Variants in C10orf67 observed in about 807,000 individuals in gnomAD.
The protein encoded by C10orf67 is chromosome 10 open reading frame 67, also known as uncharacterized protein C10orf67, mitochondrial.
C10orf67 carries 60 observed loss-of-function variants against 35.6 expected under a neutral mutation model. The observed-to-expected ratio is 1.68, with a 90% confidence interval of 1.37 to 2.09. C10orf67 has a LOEUF of 2.09. Among genes scored for constraint, C10orf67 ranks in the 30% most tolerant of loss-of-function variants. The probability of loss-of-function intolerance (pLI) is 0.00; values close to 1 mark genes in which losing one functional copy is unlikely to be tolerated. For missense variants in C10orf67, 474 were observed against 330.2 expected (o/e 1.44, Z -3.38); for synonymous variants, 167 against 115.8 (o/e 1.44, Z -2.84).
chr10:23,304,733 C>T (rs1434527540), intron 4 of C10orf67, among the ~76,000 whole-genome samples: 2 of 152,144 alleles, frequency 1.3e-5, no homozygotes, highest in Non-Finnish European at 2.9e-5. Flanking sequence ...CTCAGTAACC[C>T]AGCAGGAACA....
At chr10:23,250,846 C>A (rs965031021) in intron 10 of C10orf67, among the ~76,000 whole-genome samples, 155 bp from the exon 11 acceptor site, 2 of 151,948 alleles carry the variant, frequency 1.3e-5, no homozygotes. Context: ...GCCTGTAATC[C>A]CAACATTTTG....
At chr10:23,301,316 T>C (rs1387734433) in intron 5 of C10orf67, among the ~76,000 whole-genome samples, 1 of 151,872 alleles carries the variant, frequency 6.6e-6, no homozygotes, top group Non-Finnish European at 1.5e-5. Flanking sequence ...CAGACCAATA[T>C]CCCCAACCCA....
chr10:23,315,202 A>G (rs986480494), intron 4 of C10orf67, among the ~76,000 whole-genome samples: 1 of 152,364 alleles, frequency 6.6e-6, no homozygotes, highest in African/African-American at 2.4e-5. Context: ...TCTTAAGTCA[A>G]CTAACCACAA....
chr10:23,292,977 G>C (rs1843766885), intron 5 of C10orf67, among the ~76,000 whole-genome samples: 1 of 151,496 alleles, frequency 6.6e-6, no homozygotes, highest in African/African-American at 2.4e-5. Context: ...ATCACAGAAT[G>C]CATTTATAGA....
At chr10:23,262,472 A>G (rs1385174955) in intron 10 of C10orf67, among the ~76,000 whole-genome samples, 1 of 152,146 alleles carries the variant, frequency 6.6e-6, no homozygotes, top group Non-Finnish European at 1.5e-5. Flanking sequence ...ATCTGTCCCA[A>G]TGGCTGACAG....
intron 5 of C10orf67, among the ~76,000 whole-genome samples, chr10:23,293,795 T>C (rs755929138): frequency 3.9e-5 from 6 of 152,222 alleles, no homozygotes; most frequent in Admixed American, 1.3e-4. Context: ...GAATCCCAAA[T>C]TGAATCTCGA....
intron 8 of C10orf67, among the ~76,000 whole-genome samples, chr10:23,268,042 C>A (rs1394747484): frequency 2.0e-5 from 3 of 152,110 alleles, no homozygotes; most frequent in Non-Finnish European, 2.9e-5. Flanking sequence ...AATCCCAACA[C>A]TTTGGGAGGC....
intron 13 of C10orf67, among the ~76,000 whole-genome samples, chr10:23,229,658 T>C (rs1387003219): frequency 6.6e-6 from 1 of 152,154 alleles, no homozygotes; most frequent in African/African-American, 2.4e-5. Context: ...TAAAATTGTA[T>C]GCATCTAATA....
intron 5 of C10orf67, among the ~76,000 whole-genome samples, chr10:23,298,659 T>C (rs1451105708): frequency 6.6e-6 from 1 of 152,206 alleles, no homozygotes; most frequent in East Asian, 1.9e-4. Context: ...TAAGCCAATA[T>C]AGCCTGGATA....
In C10orf67 at chr10:23,291,224, A is replaced by C. The variant is rs1843712157; in HGVS notation, c.758T>G (p.Leu253Trp). 1 of 716,986 alleles carries C rather than the reference A, an allele frequency of 1.4e-6. No homozygotes were observed. The highest frequency in any genetic ancestry group is 2.6e-6 in the Non-Finnish European group (1 of 384,974). 44.4% of individuals were successfully genotyped at this position (716,986 alleles called of 1,614,324 possible). A position where few individuals can be genotyped will look rare whatever the true frequency, so the allele number is the denominator to read the frequency against. ...CCTCTCATTTTCCACTTTGTACTCC[A>C]AATTTTCCTTTTCTAGGTTTGATTT... ...SPKSNLEKEN[L>W]EYKVENERLL... Residue 253 changes from leucine (L) to tryptophan (W), a missense_variant, in exon 6 of 16, where the codon TTG (leucine) becomes TGG (tryptophan). Physicochemically the swap from Leu to Trp is moderately conservative, Grantham distance 61. Coordinates refer to ENST00000636213, the MANE Select transcript of C10orf67 (RefSeq NM_001371909.1).
intron 4 of C10orf67, among the ~76,000 whole-genome samples, chr10:23,311,429 G>A (rs1844489301): frequency 1.3e-5 from 2 of 152,152 alleles, no homozygotes; most frequent in Non-Finnish European, 2.9e-5. Context: ...TTCCAGCTTG[G>A]GGCCGGGCAC....
chr10:23,258,542 C>T (rs1335063384), intron 10 of C10orf67: 2 of 169,782 alleles, frequency 1.2e-5, no homozygotes, highest in Admixed American at 5.7e-5. Context: ...CAGACTTTGA[C>T]GACTAGCACC....
chr10:23,311,797 G>A (rs1024317739), intron 4 of C10orf67, among the ~76,000 whole-genome samples: 1 of 151,710 alleles, frequency 6.6e-6, no homozygotes, highest in Non-Finnish European at 1.5e-5. Flanking sequence ...AGTGTTTTTG[G>A]AATTTCAATT....
intron 15 of C10orf67, among the ~76,000 whole-genome samples, chr10:23,221,290 C>T (rs1314616137): frequency 6.6e-6 from 1 of 152,116 alleles, no homozygotes; most frequent in African/African-American, 2.4e-5. Context: ...CTCATGAGAA[C>T]TTACTAGCAT....
chr10:23,204,261 C>A lies in C10orf67; in HGVS notation c.1571-6G>T. On this transcript the variant is annotated splice_region_variant and splice_polypyrimidine_tract_variant and intron_variant, in intron 15 of 15. Coordinates refer to ENST00000636213, the MANE Select transcript of C10orf67 (RefSeq NM_001371909.1). The stretch of plus-strand genomic sequence containing the variant: ...TGGGGATTCCGACAACTTCCCTAAA[C>A]GTGAAGAAAGGTGGACAGACATAAA... The A allele has an allele frequency of 3.1e-6, 2 of 636,868 alleles. No individual in the cohort carries two copies. The highest frequency in any genetic ancestry group is 3.6e-5 in the South Asian group (2 of 55,304). 39.5% of individuals were successfully genotyped at this position (636,868 alleles called of 1,614,324 possible).
intron 2 of C10orf67, among the ~76,000 whole-genome samples, chr10:23,327,787 T>G (rs1410209866): frequency 6.7e-6 from 1 of 149,124 alleles, no homozygotes; most frequent in Non-Finnish European, 1.5e-5. Flanking sequence ...ATCGCACCAC[T>G]GCACTCCAGC....
At chr10:23,245,234 A>G (rs1842287276) in intron 12 of C10orf67, among the ~76,000 whole-genome samples, 1 of 152,238 alleles carries the variant, frequency 6.6e-6, no homozygotes, top group Non-Finnish European at 1.5e-5. Context: ...GCATAAACAT[A>G]AGTCCTGAAA....
At chr10:23,326,176 T>C (rs1336908600) in intron 2 of C10orf67, among the ~76,000 whole-genome samples, 1 of 152,178 alleles carries the variant, frequency 6.6e-6, no homozygotes, top group Non-Finnish European at 1.5e-5. Flanking sequence ...ATGCAGATTG[T>C]AGATGCTTAA....
Position 23,203,870 on chromosome 10 carries a change from G to T in C10orf67, c.*303C>A, listed in dbSNP as rs1841083174. 4.0e-6 allele frequency: 1 copy of T among 249,572 alleles called. No individual in the cohort carries two copies. Among genetic ancestry groups the T allele is most frequent in the Non-Finnish European group, 7.5e-6 (1 of 132,476 alleles). The allele number at this position is 249,572 out of a possible 1,614,324, so 15.5% of individuals were successfully genotyped here. A position where few individuals can be genotyped will look rare whatever the true frequency, so the allele number is the denominator to read the frequency against. ...AGTCCGTCCCTTCCCACTCTTAGACGCCTGGGCTCTTCTGAGTCCCCGGAG... is the reference window on the plus strand; with the variant it reads ...AGTCCGTCCCTTCCCACTCTTAGACTCCTGGGCTCTTCTGAGTCCCCGGAG... On this transcript the variant is annotated 3_prime_UTR_variant, in exon 16 of 16. Coordinates refer to ENST00000636213, the MANE Select transcript of C10orf67 (RefSeq NM_001371909.1).
Sources: gnomAD v4.1 joint callset for allele counts (sites outside exome capture counted in the v4.1 genomes callset) on GRCh38, gnomAD v4.1.1 for gene constraint, MANE v1.5 for transcripts, NCBI Gene and HGNC (gene_info 2026-07-23, HGNC 2026-07-21) for gene names.